CSMD1: variants seen among roughly 807,000 people sequenced by gnomAD.
CSMD1 encodes CUB and Sushi multiple domains 1, also known as CUB and sushi domain-containing protein 1.
In CSMD1, 213 loss-of-function variants were observed where a neutral mutation model predicts 417.5. That is an observed-to-expected ratio of 0.51 (90% CI 0.46 to 0.57). The LOEUF (loss-of-function observed/expected upper bound fraction) is 0.57, where lower values mean the gene tolerates loss of function less well. Ranked by LOEUF, CSMD1 falls within the 20% of genes least tolerant of loss-of-function variation. The probability of loss-of-function intolerance (pLI) is 0.00; values close to 1 mark genes in which losing one functional copy is unlikely to be tolerated. For missense variants in CSMD1, 6,923 were observed against 4,529.7 expected (o/e 1.53, Z -15.17); for synonymous variants, 2,862 against 1,736.8 (o/e 1.65, Z -16.11).
chr8:4,494,555 G>C (rs1483234480), intron 2 of CSMD1, among the ~76,000 whole-genome samples: 1 of 151,970 alleles, frequency 6.6e-6, no homozygotes, highest in Non-Finnish European at 1.5e-5. Flanking sequence ...AGATTTATCT[G>C]GGCTATGGAT....
intron 3 of CSMD1, among the ~76,000 whole-genome samples, chr8:4,236,711 G>C (rs1003740929): frequency 2.0e-5 from 3 of 152,106 alleles, no homozygotes; most frequent in African/African-American, 7.2e-5. Context: ...CTGTAAAATG[G>C]CAATAATCAC....
chr8:4,882,501 A>G (rs1232220974), intron 1 of CSMD1, among the ~76,000 whole-genome samples: 1 of 151,674 alleles, frequency 6.6e-6, no homozygotes, highest in Non-Finnish European at 1.5e-5. Flanking sequence ...CCTGTTTTCA[A>G]AGGAAGGCTT....
At chr8:3,722,953 C>T (rs1199747607) in intron 6 of CSMD1, among the ~76,000 whole-genome samples, 1 of 152,154 alleles carries the variant, frequency 6.6e-6, no homozygotes, top group African/African-American at 2.4e-5. Flanking sequence ...AAATTACTAC[C>T]AACTTAAGAG....
intron 8 of CSMD1, among the ~76,000 whole-genome samples, chr8:3,593,783 T>G (rs1354927101): frequency 6.6e-6 from 1 of 152,196 alleles, no homozygotes; most frequent in Admixed American, 6.5e-5. Context: ...ACTGCTATCC[T>G]TATTATATAT....
At chr8:4,922,412 T>A (rs921437357) in intron 1 of CSMD1, among the ~76,000 whole-genome samples, 3 of 152,244 alleles carry the variant, frequency 2.0e-5, no homozygotes, top group African/African-American at 7.2e-5. Flanking sequence ...TTGAGAAAAA[T>A]TAGAAATTAA....
intron 7 of CSMD1, among the ~76,000 whole-genome samples, chr8:3,671,542 TA>T: frequency 1.6e-4 from 1 of 6,296 alleles, no homozygotes; most frequent in Non-Finnish European, 2.7e-4. Flanking sequence ...TATATATATA[TA>T]TGATCATATA....
chr8:3,677,408 A>G (rs1799432524), intron 7 of CSMD1, among the ~76,000 whole-genome samples: 1 of 152,178 alleles, frequency 6.6e-6, no homozygotes, highest in African/African-American at 2.4e-5. Flanking sequence ...TTCAAGGCCA[A>G]TGCATGGGAA....
intron 50 of CSMD1, among the ~76,000 whole-genome samples, chr8:3,046,525 C>T (rs746688288): frequency 7.2e-5 from 11 of 152,126 alleles, no homozygotes; most frequent in Non-Finnish European, 1.3e-4. Flanking sequence ...CTCGCCCCCA[C>T]GGATCATGAA....
intron 49 of CSMD1, among the ~76,000 whole-genome samples, chr8:3,060,649 T>C (rs144212676): frequency 2.0e-5 from 3 of 152,214 alleles, no homozygotes; most frequent in Admixed American, 6.5e-5. Flanking sequence ...CAACTTGTGC[T>C]ATGGAAACAA....
intron 37 of CSMD1, among the ~76,000 whole-genome samples, chr8:3,171,462 G>T (rs978145941): frequency 3.9e-5 from 6 of 152,138 alleles, no homozygotes; most frequent in African/African-American, 1.4e-4. Context: ...TTGATCAAAA[G>T]TATGACAGGA....
In CSMD1 at chr8:4,739,237, C is replaced by G. The variant is rs141489680; in HGVS notation, c.86-101679G>C. ...AGCAATCCTATGTTGTTGAGCCTGC[C>G]AAGTTCAGCTCTGTAAATATAGCAA... On this transcript the variant is annotated intron_variant, in intron 1 of 69. Coordinates refer to ENST00000635120, the MANE Select transcript of CSMD1 (RefSeq NM_033225.6). Among the ~76,000 whole-genome samples the G allele has an allele frequency of 2.5e-3, 382 of 152,304 alleles. 2 individuals are homozygous for G. The highest frequency in any genetic ancestry group is 8.9e-3 in the African/African-American group (368 of 41,562).
chr8:3,897,804 C>T (rs146957336), intron 5 of CSMD1, among the ~76,000 whole-genome samples: 124 of 152,238 alleles, frequency 8.1e-4, no homozygotes, highest in African/African-American at 2.9e-3. Flanking sequence ...CTATTTGCTT[C>T]GTAAGTTCAT....
At chr8:4,037,601 A>C (rs1014652129) in intron 3 of CSMD1, among the ~76,000 whole-genome samples, 1 of 100,992 alleles carries the variant, frequency 9.9e-6, no homozygotes, top group Non-Finnish European at 2.0e-5. Context: ...AATGGAAAGG[A>C]GAATGGACTT....
chr8:4,551,394 C>T (rs1247648443), intron 2 of CSMD1, among the ~76,000 whole-genome samples: 4 of 152,194 alleles, frequency 2.6e-5, no homozygotes, highest in Admixed American at 1.3e-4. Context: ...TCCTCCCCAC[C>T]AAACCCCATG....
chr8:4,842,979 G>A (rs916820890), intron 1 of CSMD1, among the ~76,000 whole-genome samples: 2 of 152,180 alleles, frequency 1.3e-5, no homozygotes, highest in Admixed American at 6.5e-5. Context: ...TTTGTGTTCA[G>A]AGCTTGTTGA....
At chr8:3,608,885 G>T (rs1381707171) in intron 8 of CSMD1, among the ~76,000 whole-genome samples, 1 of 152,022 alleles carries the variant, frequency 6.6e-6, no homozygotes, top group East Asian at 1.9e-4. Flanking sequence ...AACCAAGATT[G>T]TCCTTCTGCT....
chr8:4,374,569 G>A (rs530300267), intron 3 of CSMD1, among the ~76,000 whole-genome samples: 1 of 152,240 alleles, frequency 6.6e-6, no homozygotes, highest in Non-Finnish European at 1.5e-5. Flanking sequence ...CACTGTCCAG[G>A]AATGAGCCAT....
intron 1 of CSMD1, among the ~76,000 whole-genome samples, chr8:4,675,440 C>G (rs1391608812): frequency 6.6e-6 from 1 of 152,018 alleles, no homozygotes. Flanking sequence ...CTTTGCTGAG[C>G]CTCAGGATTG....
At chr8:3,976,656 A>G (rs1813458838) in intron 5 of CSMD1, among the ~76,000 whole-genome samples, 3 of 152,232 alleles carry the variant, frequency 2.0e-5, no homozygotes, top group Admixed American at 6.5e-5. Flanking sequence ...AATGTGACTG[A>G]CAGCTTTCTT....
Sources: allele counts gnomAD v4.1 joint callset (sites outside exome capture counted in the v4.1 genomes callset), GRCh38; gene constraint gnomAD v4.1.1; transcripts MANE v1.5; gene names NCBI Gene and HGNC (gene_info 2026-07-23, HGNC 2026-07-21).